The following CD226 variants were observed in gnomAD, a reference collection of about 807,000 sequenced individuals.
CD226 encodes the protein CD226 molecule.
CD226 carries 24 observed loss-of-function variants against 34.9 expected under a neutral mutation model. The ratio of observed to expected loss-of-function variants is 0.69; its 90% CI spans 0.50 to 0.97. CD226 has a LOEUF of 0.97. CD226 is among the 50% of genes least tolerant of loss of function. The pLI is 0.00. For synonymous variants in CD226, 148 were observed against 147.4 expected, an observed-to-expected ratio of 1.00 and a Z score of -0.03; for missense variants, 397 against 412.7, an observed-to-expected ratio of 0.96 and a Z score of 0.33.
Position 69,912,829 on chromosome 18 carries a change from G to T in CD226, c.383-16784C>A, listed in dbSNP as rs577002303. Among the ~76,000 whole-genome samples, 3 of 152,308 alleles carry T rather than the reference G, an allele frequency of 2.0e-5. No individual in the cohort carries two copies. In the East Asian group the frequency reaches 5.8e-4, roughly 29 times the overall value. On this transcript the variant is annotated intron_variant, in intron 2 of 5. Coordinates refer to ENST00000582621, the MANE Select transcript of CD226 (RefSeq NM_001303618.2). ...AGAGGATGAAATTCAGGGTAGAGAA[G>T]TAAAGAGAAGAATCAGTCTTTGGAT... is the stretch of plus-strand genomic sequence containing the variant.
intron 2 of CD226, among the ~76,000 whole-genome samples, chr18:69,910,402 A>G (rs2055309643): frequency 6.6e-6 from 1 of 152,232 alleles, no homozygotes; most frequent in South Asian, 2.1e-4. Context: ...TATTCTTTCC[A>G]AAATTCCATA....
chr18:69,899,303 T>A (rs189259909), intron 2 of CD226, among the ~76,000 whole-genome samples: 15 of 152,312 alleles, frequency 9.8e-5, no homozygotes, highest in Non-Finnish European at 1.8e-4. Flanking sequence ...CAGTTCTGCA[T>A]ATGCAGTTTG....
intron 2 of CD226, among the ~76,000 whole-genome samples, chr18:69,914,261 T>G (rs2055359785): frequency 6.6e-6 from 1 of 152,222 alleles, no homozygotes; most frequent in Non-Finnish European, 1.5e-5. Flanking sequence ...GATGAGATCT[T>G]CGACTGCTTC....
At chr18:69,886,143 C>A (rs1984544817) in intron 3 of CD226, among the ~76,000 whole-genome samples, 1 of 152,166 alleles carries the variant, frequency 6.6e-6, no homozygotes, top group African/African-American at 2.4e-5. Context: ...AGTCAGCCCG[C>A]ATCTGAATCC....
chr18:69,892,408 A>G lies in CD226; in HGVS notation c.727+3293T>C, dbSNP rs561747204. On this transcript the variant is annotated intron_variant, in intron 3 of 5. Coordinates refer to ENST00000582621, the MANE Select transcript of CD226 (RefSeq NM_001303618.2). ...TTAAGGGCCAAAAATAACTGTAGTC[A>G]CTGTCAATAAACAGACATTCCCCTG... is the stretch of plus-strand genomic sequence containing the variant. 2.0e-5 allele frequency among the ~76,000 whole-genome samples: 3 copies of G among 152,350 alleles called. No homozygotes were observed. The South Asian group carries it at 6.2e-4, about 32-fold the overall frequency.
intron 2 of CD226, among the ~76,000 whole-genome samples, chr18:69,911,595 A>AT (rs2055325700): frequency 6.6e-6 from 1 of 152,170 alleles, no homozygotes; most frequent in Admixed American, 6.5e-5. Context: ...CACACACGGG[A>AT]ATGCTAACAC....
At chr18:69,932,633 A>G (rs1394182157) in intron 2 of CD226, among the ~76,000 whole-genome samples, 2 of 152,226 alleles carry the variant, frequency 1.3e-5, no homozygotes, top group African/African-American at 2.4e-5. Context: ...CGCCATTAGC[A>G]TGATTTCCCT....
chr18:69,858,523 TG>T lies in CD226; in HGVS notation c.*5790del, dbSNP rs1001866790. 2 of 152,152 alleles carry T rather than the reference TG, an allele frequency of 1.3e-5. No individual in the cohort carries two copies. Among genetic ancestry groups the T allele is most frequent in the East Asian group, 3.9e-4 (2 of 5,164 alleles). The allele number at this position is 152,152 out of a possible 1,614,324, so 9.4% of individuals were successfully genotyped here. A position where few individuals can be genotyped will look rare whatever the true frequency, so the allele number is the denominator to read the frequency against. ...TAGGGGCTCAGGACTCATCCGAACG[TG>T]GGGTACTGATGCTGCTCAGATTCAC... is the stretch of plus-strand genomic sequence containing the variant. On this transcript the variant is annotated 3_prime_UTR_variant, in exon 6 of 6. Transcript: ENST00000582621.
chr18:69,898,002 CAAG>C (rs1463731388), intron 2 of CD226, among the ~76,000 whole-genome samples: 2 of 145,140 alleles, frequency 1.4e-5, no homozygotes, highest in Non-Finnish European at 3.0e-5. Flanking sequence ...TAAAGCAACA[CAAG>C]AAAAGGGGAA....
At chr18:69,875,358 G>A (rs1410018940) in intron 3 of CD226, among the ~76,000 whole-genome samples, 1 of 152,044 alleles carries the variant, frequency 6.6e-6, no homozygotes, top group Non-Finnish European at 1.5e-5. Flanking sequence ...GGCTGGTCTC[G>A]AACTCCTGAC....
rs112353953 is a variant in CD226, at chr18:69,947,216, T to C, written c.46+145A>G. 1.4e-3 allele frequency: 1,269 copies of C among 913,100 alleles called. 9 individuals are homozygous for C. In the African/African-American group the frequency reaches 0.019, roughly 14 times the overall value. 56.6% of individuals were successfully genotyped at this position (913,100 alleles called of 1,614,324 possible). ...GTCTAAAAAGGCGTCCTGCTGATAA[T>C]TGGAAAATGTAACTTTTAGTTTTTC... is the stretch of plus-strand genomic sequence containing the variant. On this transcript the variant is annotated intron_variant, in intron 1 of 5. Coordinates refer to ENST00000582621, the MANE Select transcript of CD226 (RefSeq NM_001303618.2).
rs960144184 is a variant in CD226 at position 69,859,844 on chromosome 18, AGGTGGATC to A, written c.*4462_*4469del. On this transcript the variant is annotated 3_prime_UTR_variant, in exon 6 of 6. Coordinates refer to ENST00000582621, the MANE Select transcript of CD226 (RefSeq NM_001303618.2). ...TCCCAGCAATTTAGGAGGCTGAGGC[AGGTGGATC>A]ACCTGAGGTCCAGAGTTCAAGACAA... The A allele has an allele frequency of 2.0e-5, 3 of 152,224 alleles. No homozygotes were observed. The highest frequency in any genetic ancestry group is 2.9e-5 in the Non-Finnish European group (2 of 68,052). 9.4% of individuals were successfully genotyped at this position (152,224 alleles called of 1,614,324 possible).
chr18:69,918,872 G>A (rs1039467881), intron 2 of CD226, among the ~76,000 whole-genome samples: 6 of 152,164 alleles, frequency 3.9e-5, no homozygotes, highest in Admixed American at 1.3e-4. Flanking sequence ...TGCCCAATAC[G>A]CATCTGTATA....
chr18:69,958,621 G>A (rs1311691574), upstream of CD226, among the ~76,000 whole-genome samples: 1 of 152,096 alleles, frequency 6.6e-6, no homozygotes, highest in African/African-American at 2.4e-5. Flanking sequence ...TAGGGTGAAT[G>A]CAAATCCTAT....
chr18:69,865,924 A>C (rs1209453713), intron 5 of CD226, among the ~76,000 whole-genome samples: 1 of 152,198 alleles, frequency 6.6e-6, no homozygotes. Context: ...GTAACAAAAT[A>C]CTGTAGACTG....
chr18:69,874,022 A>G (rs1178455985), intron 3 of CD226, among the ~76,000 whole-genome samples: 1 of 150,102 alleles, frequency 6.7e-6, no homozygotes, highest in East Asian at 1.9e-4. Flanking sequence ...GATACAAAAA[A>G]TCAGAAAAAA....
intron 2 of CD226, among the ~76,000 whole-genome samples, chr18:69,900,515 G>A (rs1218673623): frequency 2.0e-5 from 3 of 151,758 alleles, no homozygotes; most frequent in South Asian, 2.1e-4. Flanking sequence ...GGCGGATCAC[G>A]AGGTCAGGAG....
intron 2 of CD226, among the ~76,000 whole-genome samples, chr18:69,939,734 T>G (rs1391533294): frequency 1.3e-5 from 2 of 152,192 alleles, no homozygotes; most frequent in Non-Finnish European, 2.9e-5. Flanking sequence ...TGGGATGAGA[T>G]TAACATTTAA....
chr18:69,918,923 C>G (rs745892029), intron 2 of CD226, among the ~76,000 whole-genome samples: 1 of 152,148 alleles, frequency 6.6e-6, no homozygotes, highest in Admixed American at 6.5e-5. Flanking sequence ...AGTGATACTT[C>G]AGGAAGGGCT....
Sources: gnomAD v4.1 joint callset for allele counts (sites outside exome capture counted in the v4.1 genomes callset) on GRCh38, gnomAD v4.1.1 for gene constraint, MANE v1.5 for transcripts, NCBI Gene and HGNC (gene_info 2026-07-23, HGNC 2026-07-21) for gene names.